Variants in LNP1 observed in about 807,000 individuals in gnomAD.
LNP1 encodes the protein leukemia NUP98 fusion partner 1.
LNP1 carries 12 observed loss-of-function variants against 14.5 expected under a neutral mutation model. The observed-to-expected ratio is 0.83, with a 90% CI of 0.53 to 1.34. LNP1 has a LOEUF of 1.34. LNP1 is among the 40% of genes most tolerant of loss of function. The pLI, the probability that LNP1 is intolerant of heterozygous loss-of-function variation, is 0.00. For synonymous variants in LNP1, 75 were observed against 71.4 expected (o/e 1.05, Z -0.26); for missense variants, 198 against 210.9 (o/e 0.94, Z 0.38).
At chr3:100,430,595 C>T (rs1223515678) in intron 2 of LNP1, among the ~76,000 whole-genome samples, 2 of 152,218 alleles carry the variant, frequency 1.3e-5, no homozygotes, top group African/African-American at 2.4e-5. Context: ...GTGTCCTGTG[C>T]TTCACAGTTA....
At chr3:100,425,637 G>A (rs1227936819) in intron 1 of LNP1, among the ~76,000 whole-genome samples, 1 of 152,090 alleles carries the variant, frequency 6.6e-6, no homozygotes, top group Non-Finnish European at 1.5e-5. Flanking sequence ...CCCAGCCATT[G>A]TTTATTCTTA....
intron 1 of LNP1, among the ~76,000 whole-genome samples, chr3:100,416,844 G>A (rs1458592069): frequency 6.6e-6 from 1 of 151,046 alleles, no homozygotes; most frequent in Non-Finnish European, 1.5e-5. Context: ...TTTAAGCCCC[G>A]CATGCATTAG....
intron 1 of LNP1, among the ~76,000 whole-genome samples, chr3:100,403,817 T>G (rs1446978531): frequency 1.3e-5 from 2 of 152,318 alleles, no homozygotes; most frequent in East Asian, 3.9e-4. Flanking sequence ...CTTTATAATG[T>G]GAGGAGGGGT....
At chr3:100,439,268 G>A (rs1386748122) in intron 2 of LNP1, among the ~76,000 whole-genome samples, 2 of 147,580 alleles carry the variant, frequency 1.4e-5, no homozygotes, top group East Asian at 2.0e-4. Context: ...ATATAACTAC[G>A]AAAAATACTA....
intron 1 of LNP1, among the ~76,000 whole-genome samples, chr3:100,416,718 A>ATT (rs3082702): frequency 9.1e-6 from 1 of 110,400 alleles, no homozygotes; most frequent in Non-Finnish European, 2.1e-5. Flanking sequence ...TTTTGTTTTG[A>ATT]TTTTTTTTTT....
At position 100,455,838 on chromosome 3, in the gene LNP1, G is replaced by T. The variant is rs193190932; in HGVS notation, c.449G>T (p.Arg150Leu). The T allele has an allele frequency of 6.2e-7, 1 of 1,614,024 alleles. No individual in the cohort carries two copies. The highest frequency in any genetic ancestry group is 8.5e-7 in the Non-Finnish European group (1 of 1,179,926). ...RECLRMEIKS[R>L]KKVEEERSSR... is the part of the protein sequence containing the mutation. ...TGCCTGAGGATGGAGATAAAATCCCGAAAGAAAGTAGAGGAAGAAAGGAGC... is the reference window on the plus strand; with the variant it reads ...TGCCTGAGGATGGAGATAAAATCCCTAAAGAAAGTAGAGGAAGAAAGGAGC... The change falls in exon 4 of 4, where the codon CGA becomes CTA. Residue 150 changes from arginine to leucine, a missense_variant. Arg to Leu is a moderately radical substitution (Grantham distance 102). Transcript: ENST00000383693.
intron 1 of LNP1, among the ~76,000 whole-genome samples, chr3:100,416,410 T>C (rs1281896608): frequency 6.6e-6 from 1 of 152,064 alleles, no homozygotes; most frequent in African/African-American, 2.4e-5. Flanking sequence ...GGAAGCCCTG[T>C]TTTGTTTTGT....
intron 1 of LNP1, among the ~76,000 whole-genome samples, chr3:100,402,750 T>G (rs1415102712): frequency 6.6e-6 from 1 of 152,180 alleles, no homozygotes; most frequent in Non-Finnish European, 1.5e-5. Context: ...GAAGTTTTTT[T>G]TTTAAACCTT....
chr3:100,447,658 A>G (rs898404256), intron 2 of LNP1, among the ~76,000 whole-genome samples: 3 of 152,156 alleles, frequency 2.0e-5, no homozygotes, highest in Non-Finnish European at 4.4e-5. Context: ...ACCTTTCACA[A>G]CATGCTTAGA....
In LNP1 at chr3:100,418,059, A is replaced by ACTTTTTTTTTTTTTTTTTTTTT. The variant is rs565769310; in HGVS notation, c.-33-11638_-33-11637insCTTTTTTTTTTTTTTTTTTTTT. On this transcript the variant is annotated intron_variant, in intron 1 of 3. Coordinates refer to ENST00000383693, the MANE Select transcript of LNP1 (RefSeq NM_001085451.2). ...GTTTTGTTCTTTCATTTCTCATACC[A>ACTTTTTTTTTTTTTTTTTTTTT]TTTTTTTTTTTTTTTTTTGAGATGG... 3.5e-5 allele frequency among the ~76,000 whole-genome samples: 4 copies of ACTTTTTTTTTTTTTTTTTTTTT among 115,622 alleles called. 2 individuals carry two copies. The highest frequency in any genetic ancestry group is 7.4e-5 in the Non-Finnish European group (4 of 54,340). 75.9% of individuals were successfully genotyped at this position (115,622 alleles called of 152,430 possible). A position where few individuals can be genotyped will look rare whatever the true frequency, so the allele number is the denominator to read the frequency against.
intron 1 of LNP1, among the ~76,000 whole-genome samples, chr3:100,409,055 T>G (rs1385211209): frequency 1.3e-5 from 2 of 152,210 alleles, no homozygotes; most frequent in African/African-American, 4.8e-5. Flanking sequence ...TTGGATGAGA[T>G]TGATACTTGA....
intron 2 of LNP1, among the ~76,000 whole-genome samples, chr3:100,446,004 C>T (rs1017017995): frequency 1.3e-5 from 2 of 152,116 alleles, no homozygotes; most frequent in Admixed American, 6.5e-5. Context: ...GAATCAATAT[C>T]GTAAAAATGG....
At chr3:100,409,094 C>T (rs1032524852) in intron 1 of LNP1, among the ~76,000 whole-genome samples, 1 of 152,090 alleles carries the variant, frequency 6.6e-6, no homozygotes. Context: ...GCAGATTGCC[C>T]TCAGTGTGGT....
At chr3:100,403,421 G>A (rs972402592) in intron 1 of LNP1, among the ~76,000 whole-genome samples, 2 of 151,772 alleles carry the variant, frequency 1.3e-5, no homozygotes, top group Admixed American at 6.6e-5. Context: ...ATCTTAGGAG[G>A]CAGTTAAATG....
At chr3:100,403,286 A>G (rs1386340789) in intron 1 of LNP1, among the ~76,000 whole-genome samples, 2 of 152,368 alleles carry the variant, frequency 1.3e-5, no homozygotes, top group East Asian at 3.9e-4. Context: ...TTTAAAGTAA[A>G]GAAGTAAAAT....
At chr3:100,428,884 G>C (rs1217524451) in intron 1 of LNP1, among the ~76,000 whole-genome samples, 4 of 152,166 alleles carry the variant, frequency 2.6e-5, no homozygotes, top group Non-Finnish European at 5.9e-5. Flanking sequence ...TAATGCCATT[G>C]AAAGTAAGTT....
chr3:100,432,292 T>C (rs200276507), intron 2 of LNP1, among the ~76,000 whole-genome samples: 1 of 151,584 alleles, frequency 6.6e-6, no homozygotes, highest in East Asian at 2.0e-4. Flanking sequence ...TTTCTTTTTT[T>C]CCCCACTTCT....
intron 2 of LNP1, among the ~76,000 whole-genome samples, chr3:100,437,396 G>C (rs1043782289): frequency 6.6e-6 from 1 of 152,128 alleles, no homozygotes; most frequent in Admixed American, 6.6e-5. Flanking sequence ...TTACGATATG[G>C]TGTTGGTGAC....
intron 2 of LNP1, among the ~76,000 whole-genome samples, chr3:100,443,172 A>G (rs1369788400): frequency 6.6e-6 from 1 of 152,228 alleles, no homozygotes; most frequent in Non-Finnish European, 1.5e-5. Flanking sequence ...TGAGAAAAAC[A>G]TGGGGAAAAA....
Sources: allele counts gnomAD v4.1 joint callset (sites outside exome capture counted in the v4.1 genomes callset), GRCh38; gene constraint gnomAD v4.1.1; transcripts MANE v1.5; gene names NCBI Gene and HGNC (gene_info 2026-07-23, HGNC 2026-07-21).